AHNAK: variants seen among roughly 807,000 people sequenced by gnomAD.
AHNAK encodes AHNAK nucleoprotein, also known as neuroblast differentiation-associated protein AHNAK.
In AHNAK, 23 loss-of-function variants were observed where a neutral mutation model predicts 37.8. The observed-to-expected ratio is 0.61, with a 90% CI of 0.44 to 0.86. The LOEUF is 0.86. Ranked by LOEUF, AHNAK falls within the 40% of genes least tolerant of loss-of-function variation. The probability of loss-of-function intolerance (pLI) is 0.00; values close to 1 mark genes in which losing one functional copy is unlikely to be tolerated. For missense variants in AHNAK, 7,411 were observed against 7,319.4 expected, an observed-to-expected ratio of 1.01 and a Z score of -0.46; for synonymous variants, 2,481 against 2,636.3, an observed-to-expected ratio of 0.94 and a Z score of 1.80.
chr11:62,546,128 TG>T, intron 1 of AHNAK: 1 of 153,030 alleles, frequency 6.5e-6, no homozygotes, highest in Non-Finnish European at 1.4e-5. Context: ...CAGAACAGGG[TG>T]GGGCCTGGAC....
intron 5 of AHNAK, among the ~76,000 whole-genome samples, chr11:62,474,699 A>T (rs747008464): frequency 1.3e-4 from 20 of 152,222 alleles, no homozygotes; most frequent in Non-Finnish European, 1.0e-4. Context: ...AGGGACTGAC[A>T]GCTGGTTGAC....
At chr11:62,452,798 G>T (rs1413827763) in intron 5 of AHNAK, among the ~76,000 whole-genome samples, 5 of 152,084 alleles carry the variant, frequency 3.3e-5, no homozygotes, top group Non-Finnish European at 7.4e-5. Flanking sequence ...GCCAAGGCGG[G>T]CAGATCACTT....
At chr11:62,438,181 CTT>C (rs777083537) in intron 5 of AHNAK, among the ~76,000 whole-genome samples, 1 of 126,294 alleles carries the variant, frequency 7.9e-6, no homozygotes, top group Non-Finnish European at 1.6e-5. Flanking sequence ...TTCTTTCTCT[CTT>C]TTTTTTTTTT....
chr11:62,460,575 T>G (rs895098620), intron 5 of AHNAK, among the ~76,000 whole-genome samples: 2 of 152,196 alleles, frequency 1.3e-5, no homozygotes, highest in African/African-American at 4.8e-5. Flanking sequence ...TGATTAAAAT[T>G]TTTAATTTTG....
chr11:62,533,653 C>T lies in AHNAK; in HGVS notation c.764G>A (p.Gly255Asp), dbSNP rs1268104756. 1.9e-6 allele frequency: 3 copies of T among 1,614,130 alleles called. No homozygotes were observed. The highest frequency in any genetic ancestry group is 2.7e-5 in the African/African-American group (2 of 75,008). Reference protein sequence around the residue: ...QVTMPGIKVGGSGVNVNAKGL... With the variant: ...QVTMPGIKVGDSGVNVNAKGL... The stretch of plus-strand genomic sequence containing the variant: ...CTTTGCATTGACATTGACACCTGAG[C>T]CTCCCACCTTTATCCCAGGCATGGT... The change falls in exon 5 of 5, where the codon GGC becomes GAC. Residue 255 changes from glycine to aspartate, a missense_variant. Physicochemically the swap from Gly to Asp is moderately conservative, Grantham distance 94. Transcript: ENST00000378024.
intron 5 of AHNAK, among the ~76,000 whole-genome samples, chr11:62,469,400 G>A (rs1938982749): frequency 1.3e-5 from 2 of 151,920 alleles, no homozygotes; most frequent in African/African-American, 2.4e-5. Context: ...GGGATTACAG[G>A]CGTGAACTAC....
At chr11:62,481,167 G>A (rs1009313656) in intron 5 of AHNAK, among the ~76,000 whole-genome samples, 39 of 151,104 alleles carry the variant, frequency 2.6e-4, no homozygotes, top group African/African-American at 8.3e-4. Context: ...GTGCAGTGGC[G>A]CAGTCACGGC....
rs201775745 is a variant in AHNAK, at chr11:62,522,187, C to A, written c.12230G>T (p.Gly4077Val). 1.2e-6 allele frequency: 2 copies of A among 1,613,492 alleles called. No individual in the cohort carries two copies. The highest frequency in any genetic ancestry group is 1.3e-5 in the African/African-American group (1 of 74,704). The change falls in exon 5 of 5, where the codon GGC (glycine) becomes GTC (valine). Residue 4077 changes from glycine to valine, a missense_variant. Transcript: ENST00000378024. ...KFSMPGFKGEGPEVDVNLPKA... is the reference protein window; with the variant it reads ...KFSMPGFKGEVPEVDVNLPKA... ...GGGCAAATTAACATCCACTTCTGGG[C>A]CCTCTCCTTTAAATCCTGGCATGCT...
rs1312829441 is a variant in AHNAK at position 62,525,053 on chromosome 11, C to T, written c.9364G>A (p.Val3122Ile). The stretch of plus-strand genomic sequence containing the variant: ...GGGCCTTTAATATCCACGTCAGGAA[C>T]TTTCATGTCACCTTCCACTTTTGGC... ...SLPKVEGDMK[V>I]PDVDIKGPKV... The change falls in exon 5 of 5, where the codon GTT becomes ATT. Residue 3122 changes from valine to isoleucine, a missense_variant. By Grantham distance (29) the Val-to-Ile change is conservative. Transcript: ENST00000378024. 1.2e-5 allele frequency: 19 copies of T among 1,613,896 alleles called. No homozygotes were observed. Among genetic ancestry groups the T allele is most frequent in the East Asian group, 4.5e-5 (2 of 44,856 alleles).
rs571362493 is a variant in AHNAK, at chr11:62,460,873, G to A, written c.443-26982C>T. 2.0e-4 allele frequency among the ~76,000 whole-genome samples: 31 copies of A among 152,190 alleles called. 1 individual carries two copies. Among genetic ancestry groups the A allele is most frequent in the Non-Finnish European group, 4.1e-4 (28 of 68,012 alleles). On this transcript the variant is annotated intron_variant, in intron 5 of 5. Coordinates refer to the AHNAK transcript ENST00000257247. Reference sequence around the variant, plus strand: ...GTCTCGCTCTGTCACCCAGGCTGGAGTGCAGTGGCCGATCTCGGCTCACTG... The same window carrying A: ...GTCTCGCTCTGTCACCCAGGCTGGAATGCAGTGGCCGATCTCGGCTCACTG...
At chr11:62,480,122 C>G (rs1355885089) in intron 5 of AHNAK, among the ~76,000 whole-genome samples, 1 of 152,172 alleles carries the variant, frequency 6.6e-6, no homozygotes, top group Non-Finnish European at 1.5e-5. Context: ...GCCCTGCTCC[C>G]CTGCCTGTGC....
chr11:62,511,276 C>T (rs150693241), downstream of AHNAK, among the ~76,000 whole-genome samples: 466 of 150,462 alleles, frequency 3.1e-3, 1 homozygote, highest in African/African-American at 0.01. Flanking sequence ...TGTTTTGAGA[C>T]GAGTCTCGCT....
intron 4 of AHNAK, among the ~76,000 whole-genome samples, chr11:62,507,212 ACT>A (rs1196016003): frequency 6.6e-6 from 1 of 151,692 alleles, no homozygotes; most frequent in Non-Finnish European, 1.5e-5. Flanking sequence ...GTGAATCCTG[ACT>A]CTGCTGTTTG....
chr11:62,463,566 T>G (rs980552048), intron 5 of AHNAK, among the ~76,000 whole-genome samples: 9 of 152,076 alleles, frequency 5.9e-5, no homozygotes, highest in Non-Finnish European at 1.3e-4. Flanking sequence ...AGCTAGCTCA[T>G]CTTCCCTCCA....
chr11:62,523,641 A>T lies in AHNAK; in HGVS notation c.10776T>A (p.Asp3592Glu). The T allele has an allele frequency of 6.2e-7, 1 of 1,614,096 alleles. No individual in the cohort carries two copies. The highest frequency in any genetic ancestry group is 8.5e-7 in the Non-Finnish European group (1 of 1,180,020). Residue 3592 changes from aspartate to glutamate, a missense_variant, in exon 5 of 5, where the codon GAT becomes GAA. Transcript: ENST00000378024. ...TCAGATGCCAGTCTGGACCATGAACATCCACATCTGGGGCATTGATGTCCA... is the reference window on the plus strand; with the variant it reads ...TCAGATGCCAGTCTGGACCATGAACTTCCACATCTGGGGCATTGATGTCCA... ...PKVDINAPDV[D>E]VHGPDWHLKM...
At chr11:62,481,066 T>C (rs185627852) in intron 5 of AHNAK, among the ~76,000 whole-genome samples, 2 of 151,040 alleles carry the variant, frequency 1.3e-5, no homozygotes, top group African/African-American at 4.9e-5. Context: ...GAAGGTGCTA[T>C]GGGCTTCTCT....
Position 62,527,147 on chromosome 11 carries a change from C to T in AHNAK, c.7270G>A (p.Gly2424Arg). ...GGTCCCTCAATGTCAATGTCTGGCCCACTGACATCCACATGTGGCCCTTTA... is the reference window on the plus strand; with the variant it reads ...GGTCCCTCAATGTCAATGTCTGGCCTACTGACATCCACATGTGGCCCTTTA... ...DLKGPHVDVS[G>R]PDIDIEGPEG... Residue 2424 changes from glycine to arginine, a missense_variant, in exon 5 of 5, where the codon GGG (glycine) becomes AGG (arginine). Coordinates refer to ENST00000378024, the MANE Select transcript of AHNAK (RefSeq NM_001620.3). The T allele has an allele frequency of 1.2e-6, 2 of 1,613,192 alleles. No homozygotes were observed. The highest frequency in any genetic ancestry group is 1.7e-6 in the Non-Finnish European group (2 of 1,179,622).
rs748174974 is a variant in AHNAK at position 62,528,784 on chromosome 11, G to A, written c.5633C>T (p.Pro1878Leu). ...KVKGDADVSVPKLEGDLTGPS... is the reference protein window; with the variant it reads ...KVKGDADVSVLKLEGDLTGPS... Reference sequence around the variant, plus strand: ...GCCTGTTAAATCTCCCTCCAATTTTGGCACCGACACATCCGCATCCCCTTT... The same window carrying A: ...GCCTGTTAAATCTCCCTCCAATTTTAGCACCGACACATCCGCATCCCCTTT... The change falls in exon 5 of 5, where the codon CCA becomes CTA. Residue 1878 changes from proline to leucine, a missense_variant. Physicochemically the swap from Pro to Leu is moderately conservative, Grantham distance 98. Coordinates refer to ENST00000378024, the MANE Select transcript of AHNAK (RefSeq NM_001620.3). 21 of 1,610,226 alleles carry A rather than the reference G, an allele frequency of 1.3e-5. No individual in the cohort carries two copies. The East Asian group carries it at 4.7e-4, about 36-fold the overall frequency.
rs1318116717 is a variant in AHNAK at position 62,496,806 on chromosome 11, AAAGAAAGAAAGAAAAAG to A, written c.343-4992_343-4976del. Among the ~76,000 whole-genome samples the A allele has an allele frequency of 1.9e-3, 282 of 151,680 alleles. 2 individuals carry two copies. The highest frequency in any genetic ancestry group is 6.6e-3 in the African/African-American group (274 of 41,336). On this transcript the variant is annotated intron_variant, in intron 4 of 5. Coordinates refer to the AHNAK transcript ENST00000257247. ...GGAGGGAGACTCCATCTCAAGAAAG[AAAGAAAGAAAGAAAAAG>A]AAGAAAGAAAGGAAGGAAGGAAGAA...
Sources: gnomAD v4.1 joint callset for allele counts (sites outside exome capture counted in the v4.1 genomes callset) on GRCh38, gnomAD v4.1.1 for gene constraint, MANE v1.5 for transcripts, NCBI Gene and HGNC (gene_info 2026-07-23, HGNC 2026-07-21) for gene names.